NCAN: variants seen among roughly 807,000 people sequenced by gnomAD.
The protein encoded by NCAN is neurocan core protein.
A neutral mutation model predicts 121.8 loss-of-function variants in NCAN; 47 were observed. That is an observed-to-expected ratio of 0.39 (90% CI 0.31 to 0.49). The LOEUF (loss-of-function observed/expected upper bound fraction) is 0.49, where lower values mean the gene tolerates loss of function less well. NCAN is among the 20% of genes least tolerant of loss of function. The pLI, the probability that NCAN is intolerant of heterozygous loss-of-function variation, is 0.92. For synonymous variants in NCAN, 633 were observed against 702.0 expected, an observed-to-expected ratio of 0.90 and a Z score of 1.55; for missense variants, 1,517 against 1,773.4, an observed-to-expected ratio of 0.86 and a Z score of 2.60.
Position 19,224,126 on chromosome 19 carries a change from A to G in NCAN, c.581A>G (p.His194Arg), listed in dbSNP as rs2060826333. 2 of 1,609,502 alleles carry G rather than the reference A, an allele frequency of 1.2e-6. No homozygotes were observed. The highest frequency in any genetic ancestry group is 8.5e-7 in the Non-Finnish European group (1 of 1,176,474). Reference protein sequence around the residue: ...LSSAIIAAPRHLQAAFEDGFD... With the variant: ...LSSAIIAAPRRLQAAFEDGFD... ...TCAGCCATCATTGCAGCCCCTCGGC[A>G]TCTACAGGCTGCCTTTGAGGATGGC... The change falls in exon 4 of 15, where the codon CAT becomes CGT. Residue 194 changes from histidine (H) to arginine (R), a missense_variant. Physicochemically the swap from His to Arg is conservative, Grantham distance 29. Transcript: ENST00000252575.
intron 3 of NCAN, among the ~76,000 whole-genome samples, chr19:19,220,709 G>A (rs554637211): frequency 3.9e-5 from 6 of 151,984 alleles, no homozygotes; most frequent in South Asian, 2.1e-4. Context: ...TGCCCACCTC[G>A]GCCTCCCAAA....
intron 3 of NCAN, among the ~76,000 whole-genome samples, chr19:19,221,804 C>T (rs568166162): frequency 2.6e-5 from 4 of 151,998 alleles, no homozygotes; most frequent in East Asian, 3.9e-4. Flanking sequence ...GTGGGAGGAT[C>T]GCTTAAGTCT....
Position 19,226,645 on chromosome 19 carries a change from G to C in NCAN, c.1232G>C (p.Ser411Thr), listed in dbSNP as rs775950464. The change falls in exon 7 of 15, where the codon AGT (serine) becomes ACT (threonine). Residue 411 changes from serine to threonine, a missense_variant. Transcript: ENST00000252575. ...GACTTCCAGGAGCCTCTGGTGTCCAGTGGGGAAGAAGAAACCCTGATTTTG... is the reference window on the plus strand; with the variant it reads ...GACTTCCAGGAGCCTCTGGTGTCCACTGGGGAAGAAGAAACCCTGATTTTG... ...TPDFQEPLVS[S>T]GEEETLILEE... 4 of 1,613,806 alleles carry C rather than the reference G, an allele frequency of 2.5e-6. No individual in the cohort carries two copies. Among genetic ancestry groups the C allele is most frequent in the East Asian group, 2.2e-5 (1 of 44,886 alleles).
intron 1 of NCAN, among the ~76,000 whole-genome samples, chr19:19,215,107 G>A (rs542011036): frequency 6.6e-6 from 1 of 152,256 alleles, no homozygotes; most frequent in South Asian, 2.1e-4. Context: ...GGGCTTTGCC[G>A]CTGCGTTGCC....
At chr19:19,213,103 G>C (rs1226800811) in intron 1 of NCAN, among the ~76,000 whole-genome samples, 2 of 152,184 alleles carry the variant, frequency 1.3e-5, no homozygotes, top group Non-Finnish European at 2.9e-5. Flanking sequence ...GCCAGGGAGA[G>C]GGTTGGCTCT....
intron 12 of NCAN, among the ~76,000 whole-genome samples, chr19:19,241,258 C>CAA (rs55876064): frequency 1.5e-5 from 2 of 132,516 alleles, no homozygotes; most frequent in Middle Eastern, 4.0e-3. Flanking sequence ...GATCCTGTCT[C>CAA]AAAAAAAAAA....
chr19:19,216,315 ATTT>A (rs879701337), intron 1 of NCAN, among the ~76,000 whole-genome samples: 1 of 137,722 alleles, frequency 7.3e-6, no homozygotes. Flanking sequence ...AGCCCAGATA[ATTT>A]TTTTTTTTTT....
intron 10 of NCAN, among the ~76,000 whole-genome samples, 172 bp downstream of exon 10, chr19:19,235,268 CTTTAT>C (rs1339568351): frequency 3.9e-5 from 6 of 152,204 alleles, no homozygotes; most frequent in Non-Finnish European, 5.9e-5. Flanking sequence ...AACCATTTTA[CTTTAT>C]TTTATTATTT....
At chr19:19,238,632 T>G in intron 11 of NCAN, 2 of 587,790 alleles carry the variant, frequency 3.4e-6, no homozygotes. Flanking sequence ...ACCAAATATT[T>G]ACTGAGCACC....
At chr19:19,222,601 C>T (rs902030851) in intron 3 of NCAN, among the ~76,000 whole-genome samples, 2 of 152,168 alleles carry the variant, frequency 1.3e-5, no homozygotes, top group African/African-American at 4.8e-5. Flanking sequence ...ATTTATTGAG[C>T]ACCTACACTG....
intron 14 of NCAN, 72 bp downstream of exon 14, chr19:19,248,954 T>C: frequency 6.6e-7 from 1 of 1,505,886 alleles, no homozygotes; most frequent in Admixed American, 1.7e-5. Context: ...ACATCCTATT[T>C]CTCCACACAT....
intron 2 of NCAN, 119 bp from the exon 3 acceptor site, chr19:19,218,796 G>T (rs2060804956): frequency 1.9e-6 from 2 of 1,031,690 alleles, no homozygotes; most frequent in Non-Finnish European, 2.6e-6. Flanking sequence ...GAGGTCAAGT[G>T]GCCCTAGGTT....
intron 14 of NCAN, 54 bp from the exon 15 acceptor site, chr19:19,249,712 A>T (rs1193992571): frequency 5.2e-6 from 8 of 1,545,788 alleles, no homozygotes; most frequent in South Asian, 2.5e-5. Flanking sequence ...GCATCAGGCC[A>T]CCTGCCTCTC....
intron 1 of NCAN, among the ~76,000 whole-genome samples, chr19:19,214,729 T>G (rs1178027437): frequency 2.3e-4 from 3 of 12,896 alleles, no homozygotes; most frequent in South Asian, 4.0e-3. Context: ...GTTAACGGGG[T>G]GTGTGTGTGT....
chr19:19,245,783 TCA>T (rs2060922363), intron 13 of NCAN, among the ~76,000 whole-genome samples: 1 of 144,634 alleles, frequency 6.9e-6, no homozygotes, highest in Non-Finnish European at 1.5e-5. Context: ...CAGCCTTGAT[TCA>T]TTTTTTTTTT....
At position 19,222,609 on chromosome 19, in the gene NCAN, C is replaced by T. The variant is rs140393492; in HGVS notation, c.476-1412C>T. 2.2e-4 allele frequency among the ~76,000 whole-genome samples: 33 copies of T among 152,300 alleles called. No individual in the cohort carries two copies. In the East Asian group the frequency reaches 3.1e-3, roughly 14 times the overall value. ...GCCAAACATTTATTGAGCACCTACACTGTACTGGTCCAATGCTGAGGACAC... is the reference window on the plus strand; with the variant it reads ...GCCAAACATTTATTGAGCACCTACATTGTACTGGTCCAATGCTGAGGACAC... On this transcript the variant is annotated intron_variant, in intron 3 of 14. Coordinates refer to ENST00000252575, the MANE Select transcript of NCAN (RefSeq NM_004386.3).
Position 19,228,530 on chromosome 19 carries a change from A to G in NCAN, c.2910A>G (p.Glu970=). 6 of 1,613,378 alleles carry G rather than the reference A, an allele frequency of 3.7e-6. No homozygotes were observed. The highest frequency in any genetic ancestry group is 5.1e-6 in the Non-Finnish European group (6 of 1,180,006). ...TCACCCTGGGCATAGAGGACTTCGAACTGGAGGTCCTGGCAGGGAGCCCGG... is the reference window on the plus strand; with the variant it reads ...TCACCCTGGGCATAGAGGACTTCGAGCTGGAGGTCCTGGCAGGGAGCCCGG... ...LPVTLGIEDF[E]LEVLAGSPGV... is the part of the protein sequence containing the mutation. Residue 970 remains glutamate (E), a synonymous_variant, in exon 8 of 15, where the codon GAA becomes GAG. Transcript: ENST00000252575.
chr19:19,221,687 A>G (rs2060817255), intron 3 of NCAN, among the ~76,000 whole-genome samples: 1 of 152,252 alleles, frequency 6.6e-6, no homozygotes, highest in East Asian at 1.9e-4. Flanking sequence ...GGAGTTCAAG[A>G]CCAGTCTGAG....
intron 3 of NCAN, 88 bp downstream of exon 3, chr19:19,219,404 A>C (rs4808187): frequency 0.093 from 121,473 of 1,309,718 alleles, 6,632 homozygotes; most frequent in East Asian, 0.18. Context: ...CTTAGAAATC[A>C]CTCCCTGAGA....
Sources: gnomAD v4.1 joint callset for allele counts (sites outside exome capture counted in the v4.1 genomes callset) on GRCh38, gnomAD v4.1.1 for gene constraint, MANE v1.5 for transcripts, NCBI Gene and HGNC (gene_info 2026-07-23, HGNC 2026-07-21) for gene names.